ADAM10: variants seen among roughly 807,000 people sequenced by gnomAD.
ADAM10 encodes ADAM metallopeptidase domain 10.
Under a neutral mutation model 90.1 loss-of-function variants are expected in ADAM10, and 17 were observed. The ratio of observed to expected loss-of-function variants is 0.19; its 90% CI spans 0.13 to 0.28. The LOEUF is 0.28. Among genes scored for constraint, ADAM10 ranks in the 10% least tolerant of loss-of-function variants. The pLI is 1.00. For missense variants in ADAM10, 610 were observed against 914.3 expected (o/e 0.67, Z 4.29); for synonymous variants, 310 against 298.6 (o/e 1.04, Z -0.40).
intron 5 of ADAM10, among the ~76,000 whole-genome samples, chr15:58,651,791 A>G (rs1279332818): frequency 6.6e-6 from 1 of 152,122 alleles, no homozygotes; most frequent in East Asian, 1.9e-4. Flanking sequence ...GGATTATGGT[A>G]GTTCTATTTG....
intron 2 of ADAM10, among the ~76,000 whole-genome samples, chr15:58,684,556 A>T (rs560044321): frequency 1.4e-4 from 21 of 152,360 alleles, no homozygotes; most frequent in African/African-American, 4.8e-4. Context: ...GGTTGAACAC[A>T]CTGAGTTGAT....
intron 2 of ADAM10, among the ~76,000 whole-genome samples, chr15:58,699,172 G>A (rs761317701): frequency 2.4e-4 from 37 of 152,230 alleles, no homozygotes; most frequent in Admixed American, 4.6e-4. Flanking sequence ...AAAAATACCT[G>A]GCAGCCAAGA....
At chr15:58,617,951 G>GA (rs777882353) in intron 11 of ADAM10, among the ~76,000 whole-genome samples, 1 of 148,130 alleles carries the variant, frequency 6.8e-6, no homozygotes, top group East Asian at 1.9e-4. Context: ...TTAATACTGT[G>GA]AAAACGGCCA....
intron 4 of ADAM10, among the ~76,000 whole-genome samples, chr15:58,666,516 T>A (rs1897085996): frequency 6.6e-6 from 1 of 151,856 alleles, no homozygotes; most frequent in South Asian, 2.1e-4. Flanking sequence ...GCCACACCAG[T>A]AAGTGCCAGT....
intron 2 of ADAM10, chr15:58,691,494 G>A (rs745513931): frequency 1.5e-5 from 9 of 603,622 alleles, no homozygotes; most frequent in South Asian, 1.3e-4. Flanking sequence ...CTCTGACAGA[G>A]ATGTCATCTC....
intron 1 of ADAM10, among the ~76,000 whole-genome samples, chr15:58,746,299 CCCT>C (rs1465310238): frequency 6.6e-6 from 1 of 152,172 alleles, no homozygotes; most frequent in African/African-American, 2.4e-5. Flanking sequence ...AGCCCTACAA[CCCT>C]TAAGGTCCTT....
At chr15:58,700,161 C>A (rs116948276) in intron 2 of ADAM10, among the ~76,000 whole-genome samples, 1,921 of 152,282 alleles carry the variant, frequency 0.013, 13 homozygotes, top group South Asian at 0.024. Context: ...GACTTCAACA[C>A]CCCACTCTCA....
chr15:58,687,673 C>T (rs1043484998), intron 2 of ADAM10, among the ~76,000 whole-genome samples: 8 of 149,704 alleles, frequency 5.3e-5, no homozygotes, highest in African/African-American at 1.5e-4. Flanking sequence ...AAAAAAAATA[C>T]GAACAGTTAA....
At chr15:58,694,577 A>G (rs1897923258) in intron 2 of ADAM10, among the ~76,000 whole-genome samples, 1 of 152,170 alleles carries the variant, frequency 6.6e-6, no homozygotes, top group East Asian at 1.9e-4. Context: ...TGACCCAGCA[A>G]TTCTACTCAA....
intron 9 of ADAM10, among the ~76,000 whole-genome samples, chr15:58,630,749 G>A (rs906294094): frequency 6.6e-6 from 1 of 152,146 alleles, no homozygotes; most frequent in African/African-American, 2.4e-5. Context: ...AAGAGAGAAA[G>A]AGATTTCAGA....
chr15:58,674,907 A>G (rs1897276744), intron 4 of ADAM10, among the ~76,000 whole-genome samples: 1 of 152,212 alleles, frequency 6.6e-6, no homozygotes, highest in South Asian at 2.1e-4. Flanking sequence ...AGACAAATTC[A>G]GGCCGGGCAC....
At chr15:58,748,928 G>A in intron 1 of ADAM10, 1 of 398,722 alleles carries the variant, frequency 2.5e-6, no homozygotes, top group Non-Finnish European at 4.4e-6. Context: ...CCGGCGCGCC[G>A]GGTAAAGAAC....
chr15:58,645,019 C>T (rs1365125510), intron 6 of ADAM10, among the ~76,000 whole-genome samples: 2 of 152,336 alleles, frequency 1.3e-5, no homozygotes, highest in South Asian at 4.1e-4. Context: ...AAACAACCTT[C>T]CCAACTTCAT....
chr15:58,681,952 A>G (rs1897453806), intron 3 of ADAM10, among the ~76,000 whole-genome samples: 2 of 152,190 alleles, frequency 1.3e-5, no homozygotes, highest in Non-Finnish European at 1.5e-5. Flanking sequence ...CTAACAGTTT[A>G]GAGGTACTGA....
intron 2 of ADAM10, among the ~76,000 whole-genome samples, chr15:58,699,734 C>CCACT (rs1355136884): frequency 6.6e-6 from 1 of 152,058 alleles, no homozygotes; most frequent in African/African-American, 2.4e-5. Context: ...TGTGATTGCA[C>CCACT]CACTGCACTC....
intron 14 of ADAM10, among the ~76,000 whole-genome samples, chr15:58,607,422 GATTT>G (rs2140994676): frequency 6.6e-6 from 1 of 152,252 alleles, no homozygotes; most frequent in East Asian, 1.9e-4. Context: ...AAGTTTAAAC[GATTT>G]ATTTATTGCA....
At chr15:58,655,725 A>ATATATAGTGTGTG (rs1896808164) in intron 5 of ADAM10, among the ~76,000 whole-genome samples, 3 of 97,254 alleles carry the variant, frequency 3.1e-5, no homozygotes, top group Admixed American at 2.3e-4. Flanking sequence ...ATATATATAT[A>ATATATAGTGTGTG]TATATATATA....
intron 8 of ADAM10, among the ~76,000 whole-genome samples, chr15:58,636,591 G>A (rs1205326498): frequency 1.3e-5 from 2 of 151,912 alleles, no homozygotes; most frequent in African/African-American, 4.8e-5. Flanking sequence ...TTTCAATTCG[G>A]GTCAAAAGTA....
chr15:58,594,540 T>C lies in ADAM10; in HGVS notation c.*3007A>G, dbSNP rs527942780. The C allele has an allele frequency of 9.2e-5, 14 of 152,280 alleles. No homozygotes were observed. The highest frequency in any genetic ancestry group is 3.1e-4 in the African/African-American group (13 of 41,550). 9.4% of individuals were successfully genotyped at this position (152,280 alleles called of 1,614,324 possible). On this transcript the variant is annotated 3_prime_UTR_variant, in exon 16 of 16. Transcript: ENST00000260408. Reference sequence around the variant, plus strand: ...CAAAACAAGACTGATCAGAGAAAGTTGTCATTTCCTTAAATAAATGCTTCC... The same window carrying C: ...CAAAACAAGACTGATCAGAGAAAGTCGTCATTTCCTTAAATAAATGCTTCC...
Sources: allele counts gnomAD v4.1 joint callset (sites outside exome capture counted in the v4.1 genomes callset), GRCh38; gene constraint gnomAD v4.1.1; transcripts MANE v1.5; gene names NCBI Gene and HGNC (gene_info 2026-07-23, HGNC 2026-07-21).